Variants in SMARCC1 observed in about 807,000 individuals in gnomAD.
The protein encoded by SMARCC1 is SWI/SNF related BAF chromatin remodeling complex subunit C1.
A neutral mutation model predicts 147.4 loss-of-function variants in SMARCC1; 43 were observed. The observed-to-expected ratio is 0.29, with a 90% CI of 0.23 to 0.38. SMARCC1 has a LOEUF of 0.38. SMARCC1 is among the 10% of genes least tolerant of loss of function. SMARCC1 has a pLI of 1.00. For missense variants in SMARCC1, 1,119 were observed against 1,381.1 expected (o/e 0.81, Z 3.01); for synonymous variants, 495 against 484.4 (o/e 1.02, Z -0.29).
intron 2 of SMARCC1, among the ~76,000 whole-genome samples, chr3:47,748,178 T>C (rs912101084): frequency 6.6e-6 from 1 of 152,010 alleles, no homozygotes; most frequent in Admixed American, 6.6e-5. Flanking sequence ...AATAAAAACA[T>C]AAATTATGCA....
chr3:47,778,108 G>T (rs1482400482), intron 1 of SMARCC1, among the ~76,000 whole-genome samples: 1 of 150,062 alleles, frequency 6.7e-6, no homozygotes, highest in African/African-American at 2.5e-5. Flanking sequence ...TCAAGAGGCT[G>T]GGGTAGAAGA....
At chr3:47,740,097 T>C (rs953121489) in intron 3 of SMARCC1, among the ~76,000 whole-genome samples, 4 of 147,310 alleles carry the variant, frequency 2.7e-5, no homozygotes, top group Non-Finnish European at 4.5e-5. Context: ...CTCGAACTCC[T>C]GACCTCAGGT....
intron 5 of SMARCC1, among the ~76,000 whole-genome samples, chr3:47,733,652 C>T (rs1022058149): frequency 6.6e-6 from 1 of 151,520 alleles, no homozygotes. Context: ...TTTGGGAGGC[C>T]GAGGCGGGCG....
At chr3:47,693,966 C>T (rs1048225210) in intron 11 of SMARCC1, among the ~76,000 whole-genome samples, 2 of 152,128 alleles carry the variant, frequency 1.3e-5, no homozygotes, top group African/African-American at 4.8e-5. Context: ...TCCGGCCAAA[C>T]GAATATCTTT....
chr3:47,708,056 C>G (rs1576417901), intron 9 of SMARCC1, among the ~76,000 whole-genome samples: 2 of 132,342 alleles, frequency 1.5e-5, no homozygotes, highest in African/African-American at 2.9e-5. Flanking sequence ...TTGAATGATA[C>G]AGTAAATCTG....
chr3:47,771,763 T>TATAAC (rs772496254), intron 2 of SMARCC1, among the ~76,000 whole-genome samples: 67 of 150,640 alleles, frequency 4.4e-4, no homozygotes, highest in African/African-American at 1.6e-3. Context: ...CATGATATAA[T>TATAAC]ATAACATAAC....
At chr3:47,762,754 G>A (rs974434260) in intron 2 of SMARCC1, among the ~76,000 whole-genome samples, 4 of 151,784 alleles carry the variant, frequency 2.6e-5, no homozygotes, top group Non-Finnish European at 4.4e-5. Flanking sequence ...AAACCCTGTC[G>A]CTACTAAAAA....
intron 21 of SMARCC1, among the ~76,000 whole-genome samples, chr3:47,650,301 T>TA (rs56812175): frequency 0.28 from 35,970 of 128,466 alleles, 4,648 homozygotes; most frequent in East Asian, 0.35. Context: ...TAATAATAAT[T>TA]ATTATTATTA....
intron 1 of SMARCC1, among the ~76,000 whole-genome samples, chr3:47,774,474 G>A (rs1054568414): frequency 6.6e-6 from 1 of 152,054 alleles, no homozygotes; most frequent in Non-Finnish European, 1.5e-5. Context: ...CTGGAGCACA[G>A]TGGCGCAATC....
chr3:47,707,902 A>G (rs976193795), intron 9 of SMARCC1, among the ~76,000 whole-genome samples: 1 of 152,016 alleles, frequency 6.6e-6, no homozygotes, highest in Non-Finnish European at 1.5e-5. Flanking sequence ...AAAATCCATG[A>G]ATTAAACATT....
At chr3:47,725,667 G>C (rs1365358308) in intron 6 of SMARCC1, among the ~76,000 whole-genome samples, 2 of 151,928 alleles carry the variant, frequency 1.3e-5, no homozygotes, top group Non-Finnish European at 2.9e-5. Flanking sequence ...GGCAAGGCTG[G>C]TCTCAAAATC....
At chr3:47,625,964 G>T (rs533526201) in intron 24 of SMARCC1, among the ~76,000 whole-genome samples, 3 of 151,728 alleles carry the variant, frequency 2.0e-5, no homozygotes, top group Non-Finnish European at 4.4e-5. Flanking sequence ...TTGAGACCAG[G>T]GCAACATAAT....
chr3:47,625,887 T>A (rs2032802249), intron 24 of SMARCC1, among the ~76,000 whole-genome samples: 1 of 151,898 alleles, frequency 6.6e-6, no homozygotes, highest in Non-Finnish European at 1.5e-5. Context: ...CCAGGCGCAG[T>A]TGCCTACCAT....
chr3:47,707,825 G>A (rs1448107993), intron 9 of SMARCC1, among the ~76,000 whole-genome samples: 1 of 152,130 alleles, frequency 6.6e-6, no homozygotes, highest in Non-Finnish European at 1.5e-5. Flanking sequence ...GTGACAGTGT[G>A]CTATGATCGC....
At chr3:47,661,250 C>A in intron 21 of SMARCC1, 44 bp downstream of exon 21, 1 of 1,515,690 alleles carries the variant, frequency 6.6e-7, no homozygotes, top group South Asian at 1.3e-5. Context: ...GACAGGAATA[C>A]AAACATATAT....
In SMARCC1 at chr3:47,662,492, T is replaced by C; in HGVS notation, c.2000A>G (p.Glu667Gly). Residue 667 changes from glutamate to glycine, a missense_variant, in exon 20 of 28, where the codon GAG (glutamate) becomes GGG (glycine). This residue lies in a region of SMARCC1 where 178 missense variants were observed against 264.6 expected (regional missense o/e 0.67). Transcript: ENST00000254480. ...ATCTGAATTCTCAAGGTATGGGTCC[T>C]CAATGGGAAGTCTCAAAAAGTGGAG... ...CILHFLRLPI[E>G]DPYLENSDAS... 6.2e-7 allele frequency: 1 copy of C among 1,614,130 alleles called. No individual in the cohort carries two copies. Among genetic ancestry groups the C allele is most frequent in the South Asian group, 1.1e-5 (1 of 91,084 alleles).
intron 17 of SMARCC1, among the ~76,000 whole-genome samples, chr3:47,676,301 G>A (rs376680921): frequency 8.5e-5 from 13 of 152,066 alleles, no homozygotes; most frequent in African/African-American, 3.1e-4. Context: ...TTGAAGGAAG[G>A]GAAAGAAGAT....
chr3:47,754,629 G>T (rs1296473851), intron 2 of SMARCC1, among the ~76,000 whole-genome samples: 2 of 152,068 alleles, frequency 1.3e-5, no homozygotes, highest in Non-Finnish European at 2.9e-5. Context: ...AAAGTAACAC[G>T]CATTATTTTA....
intron 2 of SMARCC1, among the ~76,000 whole-genome samples, chr3:47,748,386 T>C (rs1366334269): frequency 4.6e-5 from 7 of 152,070 alleles, no homozygotes; most frequent in Non-Finnish European, 1.0e-4. Flanking sequence ...GCTAATTTTT[T>C]TTCTGTTTTT....
Sources: allele counts gnomAD v4.1 joint callset (sites outside exome capture counted in the v4.1 genomes callset), GRCh38; gene constraint gnomAD v4.1.1; regional missense constraint gnomAD v4.1.1; transcripts MANE v1.5; gene names NCBI Gene and HGNC (gene_info 2026-07-23, HGNC 2026-07-21).